RNASEH1: variants seen among roughly 807,000 people sequenced by gnomAD.
RNASEH1 encodes ribonuclease H type II.
Under a neutral mutation model 34.6 loss-of-function variants are expected in RNASEH1, and 27 were observed. The observed-to-expected ratio is 0.78, with a 90% CI of 0.58 to 1.08. The LOEUF (loss-of-function observed/expected upper bound fraction) is 1.08. RNASEH1 is among the 50% of genes least tolerant of loss of function. The probability of loss-of-function intolerance (pLI) is 0.00; values close to 1 mark genes in which losing one functional copy is unlikely to be tolerated. For missense variants in RNASEH1, 349 were observed against 373.6 expected, an observed-to-expected ratio of 0.93 and a Z score of 0.54; for synonymous variants, 162 against 138.4, an observed-to-expected ratio of 1.17 and a Z score of -1.20.
the RNASEH1 span, chr2:3,532,307 G>A: frequency 1.4e-6 from 1 of 702,358 alleles, no homozygotes. Context: ...AGTTTATAAT[G>A]ATGCTGTGGG....
chr2:3,556,683 G>C, intron 2 of RNASEH1, 106 bp downstream of exon 2: 1 of 685,188 alleles, frequency 1.5e-6, no homozygotes, highest in Non-Finnish European at 2.6e-6. Context: ...ACAATCACAC[G>C]AGGTTCCCTA....
chr2:3,556,150 C>T (rs1230398652), intron 2 of RNASEH1, among the ~76,000 whole-genome samples: 3 of 151,102 alleles, frequency 2.0e-5, no homozygotes, highest in Non-Finnish European at 2.9e-5. Context: ...CTCCAGCCTG[C>T]GCAACAGAGA....
In RNASEH1 at chr2:3,543,769, C is replaced by A. The variant is rs562761897; in HGVS notation, c.*2016G>T. Among the ~76,000 whole-genome samples, 1 of 152,030 alleles carries A rather than the reference C, an allele frequency of 6.6e-6. No homozygotes were observed. Among genetic ancestry groups the A allele is most frequent in the Non-Finnish European group, 1.5e-5 (1 of 68,030 alleles). On this transcript the variant is annotated 3_prime_UTR_variant, in exon 8 of 8. Transcript: ENST00000315212. The stretch of plus-strand genomic sequence containing the variant: ...GGGACAACAGGCAGGCACTACCACA[C>A]CCACCTGATTTTATTTTAATTTTCT...
rs1204041153 is a variant in RNASEH1 at position 3,550,432 on chromosome 2, A to G, written c.450T>C (p.Ser150=). ...CTGCTCGCGGCCTTCTACGCCCATTACTGGAGCAGCAGCCATCAGTGTAGA... is the reference window on the plus strand; with the variant it reads ...CTGCTCGCGGCCTTCTACGCCCATTGCTGGAGCAGCAGCCATCAGTGTAGA... The part of the protein sequence containing the change: ...VVVYTDGCCS[S]NGRRRPRAGI... Residue 150 remains serine, a synonymous_variant, in exon 4 of 8, where the codon AGT becomes AGC. Coordinates refer to ENST00000315212, the MANE Select transcript of RNASEH1 (RefSeq NM_002936.6). 1 of 1,614,038 alleles carries G rather than the reference A, an allele frequency of 6.2e-7. No homozygotes were observed. The highest frequency in any genetic ancestry group is 2.2e-5 in the East Asian group (1 of 44,894).
At chr2:3,538,505 T>A (rs1668111037), downstream of RNASEH1, among the ~76,000 whole-genome samples, 1 of 151,804 alleles carries the variant, frequency 6.6e-6, no homozygotes, top group Non-Finnish European at 1.5e-5. Flanking sequence ...TTTGTGAATT[T>A]TTATTTATCC....
chr2:3,535,368 A>C, the RNASEH1 span, among the ~76,000 whole-genome samples: 2 of 150,378 alleles, frequency 1.3e-5, no homozygotes, highest in Non-Finnish European at 2.9e-5. Context: ...CAGAGGCTGC[A>C]GTGAGCTGTG....
intron 1 of RNASEH1, chr2:3,557,856 T>C (rs1203462846): frequency 1.4e-6 from 2 of 1,443,200 alleles, no homozygotes; most frequent in Non-Finnish European, 1.9e-6. Context: ...GCAACAAAGA[T>C]GGAGGATTAA....
the RNASEH1 span, among the ~76,000 whole-genome samples, chr2:3,535,360 G>C: frequency 6.7e-6 from 1 of 150,354 alleles, no homozygotes; most frequent in Non-Finnish European, 1.5e-5. Context: ...CCAGGAGGCA[G>C]AGGCTGCAGT....
intron 1 of RNASEH1, chr2:3,557,682 G>A (rs781209493): frequency 4.7e-6 from 2 of 424,668 alleles, no homozygotes; most frequent in Middle Eastern, 8.7e-4. Flanking sequence ...CACCTCCAAG[G>A]GTTGTTACAA....
chr2:3,537,452 G>A (rs955054235), downstream of RNASEH1, among the ~76,000 whole-genome samples: 1 of 152,214 alleles, frequency 6.6e-6, no homozygotes, highest in South Asian at 2.1e-4. Context: ...GCTAGGCACA[G>A]TGGCTCATGG....
chr2:3,556,089 G>A (rs1660465259), intron 2 of RNASEH1, among the ~76,000 whole-genome samples: 2 of 151,948 alleles, frequency 1.3e-5, no homozygotes, highest in Admixed American at 1.3e-4. Flanking sequence ...CAGGAGAATC[G>A]CTTGAACGCA....
intron 2 of RNASEH1, among the ~76,000 whole-genome samples, chr2:3,553,279 A>G (rs367638213): frequency 2.6e-5 from 4 of 151,950 alleles, no homozygotes; most frequent in East Asian, 1.9e-4. Context: ...ACCAGAAACT[A>G]AAAGGAAGCA....
At chr2:3,551,195 C>T (rs915641642) in intron 3 of RNASEH1, among the ~76,000 whole-genome samples, 6 of 152,210 alleles carry the variant, frequency 3.9e-5, no homozygotes, top group African/African-American at 9.6e-5. Context: ...TCAGCAGTGG[C>T]GAAGGGGCAA....
intron 7 of RNASEH1, 39 bp from the exon 8 acceptor site, chr2:3,545,910 T>C: frequency 3.5e-6 from 5 of 1,409,644 alleles, no homozygotes; most frequent in Non-Finnish European, 4.0e-6. Flanking sequence ...TTTACTCATC[T>C]TTACATAAGC....
At chr2:3,550,263 A>G (rs1669164693) in intron 4 of RNASEH1, 110 bp downstream of exon 4, 1 of 913,676 alleles carries the variant, frequency 1.1e-6, no homozygotes, top group African/African-American at 1.6e-5. Flanking sequence ...CCCCTGCCAG[A>G]GCTACTTATC....
chr2:3,552,329 C>A lies in RNASEH1; in HGVS notation c.245-21G>T, dbSNP rs754705410. ...ATGCCCTGAAAGACAAGAGTCCACT[C>A]GTGAGCTGGAAACAATGAACATAAC... On this transcript the variant is annotated intron_variant, in intron 2 of 7. Coordinates refer to ENST00000315212, the MANE Select transcript of RNASEH1 (RefSeq NM_002936.6). The A allele has an allele frequency of 3.1e-6, 5 of 1,608,386 alleles. No individual in the cohort carries two copies. The Admixed American group carries it at 5.1e-5, about 16-fold the overall frequency.
At chr2:3,557,532 C>G (rs1328152833) in intron 1 of RNASEH1, 1 of 230,212 alleles carries the variant, frequency 4.3e-6, no homozygotes, top group Admixed American at 5.6e-5. Context: ...ACACAGGTAA[C>G]GAACTTTGGT....
In RNASEH1 at chr2:3,543,653, C is replaced by A. The variant is rs540160847; in HGVS notation, c.*2132G>T. On this transcript the variant is annotated 3_prime_UTR_variant, in exon 8 of 8. Coordinates refer to ENST00000315212, the MANE Select transcript of RNASEH1 (RefSeq NM_002936.6). ...TTTTAAGACAAGGACTTGCTGTCGC[C>A]CAGGCTGGAATGTGGTGGCATGGTC... Among the ~76,000 whole-genome samples, 2 of 152,154 alleles carry A rather than the reference C, an allele frequency of 1.3e-5. No homozygotes were observed. The highest frequency in any genetic ancestry group is 3.9e-4 in the East Asian group (2 of 5,172).
rs763431859 is a variant in RNASEH1, at chr2:3,547,883, C to A, written c.774+48G>T. On this transcript the variant is annotated intron_variant, in intron 7 of 7. Coordinates refer to ENST00000315212, the MANE Select transcript of RNASEH1 (RefSeq NM_002936.6). ...AACCATTAATCTCTAGTAAACTTAGCTTATTTGGTCATAATGGCCATAGGA... is the reference window on the plus strand; with the variant it reads ...AACCATTAATCTCTAGTAAACTTAGATTATTTGGTCATAATGGCCATAGGA... 6.9e-6 allele frequency: 11 copies of A among 1,587,236 alleles called. No homozygotes were observed. In the East Asian group the frequency reaches 2.2e-4, roughly 32 times the overall value.
Sources: gnomAD v4.1 joint callset for allele counts (sites outside exome capture counted in the v4.1 genomes callset) on GRCh38, gnomAD v4.1.1 for gene constraint, MANE v1.5 for transcripts, NCBI Gene and HGNC (gene_info 2026-07-23, HGNC 2026-07-21) for gene names.